RFC1: variants seen among roughly 807,000 people sequenced by gnomAD.
RFC1 encodes replication factor C subunit 1, also known as A1 140 kDa subunit.
In RFC1, 37 loss-of-function variants were observed where a neutral mutation model predicts 137.4. The observed-to-expected ratio is 0.27, with a 90% CI of 0.21 to 0.35. RFC1 has a LOEUF of 0.35. Ranked by LOEUF, RFC1 falls within the 10% of genes least tolerant of loss-of-function variation. The pLI, the probability that RFC1 is intolerant of heterozygous loss-of-function variation, is 1.00. For synonymous variants in RFC1, 429 were observed against 455.7 expected, an observed-to-expected ratio of 0.94 and a Z score of 0.75; for missense variants, 1,205 against 1,358.5, an observed-to-expected ratio of 0.89 and a Z score of 1.78.
At chr4:39,315,467 C>A (rs1344180864) in intron 10 of RFC1, among the ~76,000 whole-genome samples, 2 of 152,228 alleles carry the variant, frequency 1.3e-5, no homozygotes, top group Admixed American at 6.5e-5. Flanking sequence ...TGCTATTAAT[C>A]CCTTCATGCC....
chr4:39,352,753 A>G (rs1019173651), intron 1 of RFC1, among the ~76,000 whole-genome samples: 45 of 152,218 alleles, frequency 3.0e-4, no homozygotes, highest in African/African-American at 1.1e-3. Flanking sequence ...CTTATAGAGA[A>G]GGGTATAAGA....
chr4:39,356,181 A>C (rs1039961149), intron 1 of RFC1, among the ~76,000 whole-genome samples: 1 of 152,114 alleles, frequency 6.6e-6, no homozygotes, highest in Non-Finnish European at 1.5e-5. Flanking sequence ...CGGGTGGATT[A>C]CGAGGTCAGG....
intron 21 of RFC1, among the ~76,000 whole-genome samples, chr4:39,299,331 T>A (rs1738212767): frequency 6.6e-6 from 1 of 152,200 alleles, no homozygotes; most frequent in Non-Finnish European, 1.5e-5. Flanking sequence ...AGACCCCTGA[T>A]TTCCCACTTC....
At chr4:39,311,413 A>G in intron 12 of RFC1, 32 bp downstream of exon 12, 1 of 1,567,354 alleles carries the variant, frequency 6.4e-7, no homozygotes, top group Non-Finnish European at 8.8e-7. Context: ...GTTAATATAC[A>G]CCAACTTAAA....
chr4:39,366,262 G>A lies in RFC1; in HGVS notation c.-21C>T. The A allele has an allele frequency of 6.5e-7, 1 of 1,532,028 alleles. No individual in the cohort carries two copies. Among genetic ancestry groups the A allele is most frequent in the Non-Finnish European group, 8.8e-7 (1 of 1,138,630 alleles). 94.9% of individuals were successfully genotyped at this position (1,532,028 alleles called of 1,614,324 possible). On this transcript the variant is annotated 5_prime_UTR_variant, in exon 1 of 25. Transcript: ENST00000349703. The stretch of plus-strand genomic sequence containing the variant: ...ACCATCGCAGCCCCAGGATGAAGGC[G>A]CTGGCTGGCTGGCGGGTGGGCCGGT...
At chr4:39,306,549 A>C in intron 14 of RFC1, 43 bp downstream of exon 14, 2 of 1,050,106 alleles carry the variant, frequency 1.9e-6, no homozygotes, top group Non-Finnish European at 3.0e-6. Flanking sequence ...AGCCATGACC[A>C]CTCGAGGTTA....
intron 14 of RFC1, among the ~76,000 whole-genome samples, chr4:39,305,137 T>C (rs1286762560): frequency 1.3e-5 from 2 of 152,216 alleles, no homozygotes; most frequent in Non-Finnish European, 2.9e-5. Flanking sequence ...TACATACATA[T>C]AACATACACA....
At chr4:39,327,913 T>A (rs1739862375) in intron 4 of RFC1, among the ~76,000 whole-genome samples, 157 bp from the exon 5 acceptor site, 1 of 152,090 alleles carries the variant, frequency 6.6e-6, no homozygotes, top group African/African-American at 2.4e-5. Flanking sequence ...AGGAGAATCA[T>A]TTGCGCTCAG....
At chr4:39,298,725 C>T (rs1409875956) in intron 21 of RFC1, among the ~76,000 whole-genome samples, 2 of 152,206 alleles carry the variant, frequency 1.3e-5, no homozygotes, top group East Asian at 3.8e-4. Context: ...AGGTAAAACA[C>T]AGCAAATGAA....
chr4:39,290,320 C>T (rs1197227980), intron 23 of RFC1, among the ~76,000 whole-genome samples: 1 of 151,274 alleles, frequency 6.6e-6, no homozygotes, highest in Non-Finnish European at 1.5e-5. Context: ...TTGCAGTGAG[C>T]TGAGATTGCG....
intron 9 of RFC1, among the ~76,000 whole-genome samples, 180 bp from the exon 10 acceptor site, chr4:39,317,202 T>C (rs1168022239): frequency 2.0e-5 from 3 of 152,222 alleles, no homozygotes; most frequent in Non-Finnish European, 4.4e-5. Context: ...CGAACATCCC[T>C]GCATCAGCGC....
chr4:39,346,852 T>A (rs557022127), intron 2 of RFC1, among the ~76,000 whole-genome samples: 1 of 152,252 alleles, frequency 6.6e-6, no homozygotes, highest in South Asian at 2.1e-4. Context: ...TTTACCCAAA[T>A]CTCTGGCTAT....
chr4:39,339,038 AT>A (rs1231767957), intron 4 of RFC1, among the ~76,000 whole-genome samples: 2 of 151,990 alleles, frequency 1.3e-5, no homozygotes, highest in African/African-American at 4.8e-5. Context: ...ACTTAACATA[AT>A]GTCCGCCGGG....
intron 21 of RFC1, among the ~76,000 whole-genome samples, chr4:39,298,152 T>C (rs965784228): frequency 1.3e-5 from 2 of 151,820 alleles, no homozygotes; most frequent in Non-Finnish European, 2.9e-5. Context: ...CTACAACGAA[T>C]ACAAAAATTA....
intron 14 of RFC1, among the ~76,000 whole-genome samples, chr4:39,305,851 ATGT>A (rs1469651338): frequency 5.3e-5 from 8 of 152,198 alleles, no homozygotes; most frequent in Admixed American, 3.3e-4. Flanking sequence ...TAGGAAAAAA[ATGT>A]TGTTTTGCTT....
chr4:39,309,365 C>T (rs541935860), intron 12 of RFC1, among the ~76,000 whole-genome samples: 4 of 152,022 alleles, frequency 2.6e-5, no homozygotes, highest in Non-Finnish European at 4.4e-5. Context: ...GTTAATGCCT[C>T]GACAAAAACT....
At chr4:39,351,067 G>A (rs193049629) in intron 2 of RFC1, among the ~76,000 whole-genome samples, 74 of 151,902 alleles carry the variant, frequency 4.9e-4, no homozygotes, top group Middle Eastern at 3.4e-3. Flanking sequence ...TGGCTAACAC[G>A]GTGAAACCCC....
At chr4:39,304,638 G>A (rs919193058) in intron 15 of RFC1, among the ~76,000 whole-genome samples, 176 bp downstream of exon 15, 1 of 152,092 alleles carries the variant, frequency 6.6e-6, no homozygotes, top group Admixed American at 6.5e-5. Flanking sequence ...TAAGACCTAC[G>A]AAAGGGTAAG....
chr4:39,356,412 A>C (rs1391310301), intron 1 of RFC1, among the ~76,000 whole-genome samples: 1 of 152,236 alleles, frequency 6.6e-6, no homozygotes, highest in Non-Finnish European at 1.5e-5. Flanking sequence ...AAACAAAAAA[A>C]TTCATTGAAC....
Sources: gnomAD v4.1 joint callset for allele counts (sites outside exome capture counted in the v4.1 genomes callset) on GRCh38, gnomAD v4.1.1 for gene constraint, MANE v1.5 for transcripts, NCBI Gene and HGNC (gene_info 2026-07-23, HGNC 2026-07-21) for gene names.